The following FBXO47 variants were observed in gnomAD, a reference collection of about 807,000 sequenced individuals.
FBXO47 encodes the protein F-box protein 47, also known as F-box only protein 47.
FBXO47 carries 34 observed loss-of-function variants against 53.9 expected under a neutral mutation model. That is an observed-to-expected ratio of 0.63 (90% CI 0.48 to 0.84). The LOEUF (loss-of-function observed/expected upper bound fraction) is 0.84. FBXO47 is among the 40% of genes least tolerant of loss of function. The probability of loss-of-function intolerance (pLI) is 0.00; values close to 1 mark genes in which losing one functional copy is unlikely to be tolerated. For missense variants in FBXO47, 485 were observed against 541.3 expected (o/e 0.90, Z 1.03); for synonymous variants, 165 against 181.6 (o/e 0.91, Z 0.73).
intron 6 of FBXO47, among the ~76,000 whole-genome samples, chr17:38,946,131 CAT>C (rs1904775574): frequency 1.2e-5 from 1 of 84,054 alleles, no homozygotes; most frequent in Non-Finnish European, 2.2e-5. Flanking sequence ...AATATATATA[CAT>C]ATATAAATAT....
intron 9 of FBXO47, 70 bp from the exon 10 acceptor site, chr17:38,938,802 AATG>A: frequency 8.4e-7 from 1 of 1,192,158 alleles, no homozygotes; most frequent in Non-Finnish European, 1.2e-6. Context: ...AATGGTGAAC[AATG>A]ATGAATAATT....
In FBXO47 at chr17:38,951,434, T is replaced by C. The variant is rs12232547; in HGVS notation, c.616+147A>G. ...CTCTTGAACTTCTGGACTCAAGTGA[T>C]CCTCCCACCTTGGCTTCCCAAAGTG... On this transcript the variant is annotated intron_variant, in intron 6 of 10. Transcript: ENST00000378079. 7.4e-3 allele frequency: 4,098 copies of C among 550,832 alleles called. 128 individuals carry two copies. The highest frequency in any genetic ancestry group is 0.058 in the Admixed American group (1,774 of 30,384). 34.1% of individuals were successfully genotyped at this position (550,832 alleles called of 1,614,324 possible).
chr17:38,957,315 C>G (rs964260828), intron 3 of FBXO47, 62 bp from the exon 4 acceptor site: 1 of 1,102,592 alleles, frequency 9.1e-7, no homozygotes, highest in Non-Finnish European at 1.4e-6. Flanking sequence ...ATCAATAGAG[C>G]ACAGAATAAT....
chr17:38,946,261 TATAA>T (rs1380741656), intron 6 of FBXO47, among the ~76,000 whole-genome samples: 1 of 104,332 alleles, frequency 9.6e-6, no homozygotes, highest in African/African-American at 3.9e-5. Context: ...TAAAAATATG[TATAA>T]ATATATATAA....
intron 1 of FBXO47, among the ~76,000 whole-genome samples, chr17:38,964,793 A>C (rs544815650): frequency 1.3e-5 from 2 of 152,282 alleles, no homozygotes; most frequent in South Asian, 4.1e-4. Flanking sequence ...ACTTATTAAA[A>C]TCACTGATTA....
chr17:38,944,190 C>CAT (rs1555560293), intron 7 of FBXO47, among the ~76,000 whole-genome samples: 14 of 122,650 alleles, frequency 1.1e-4, no homozygotes, highest in African/African-American at 3.8e-4. Context: ...TCAAAAAAAA[C>CAT]ATGTGTGTGT....
chr17:38,940,801 G>C (rs1019887869), intron 9 of FBXO47, among the ~76,000 whole-genome samples: 2 of 151,662 alleles, frequency 1.3e-5, no homozygotes, highest in Admixed American at 6.6e-5. Context: ...TCAGCCTTCT[G>C]AGTAGCAGGG....
At chr17:38,945,935 C>CAAAAA (rs34412322) in intron 6 of FBXO47, among the ~76,000 whole-genome samples, 1 of 94,644 alleles carries the variant, frequency 1.1e-5, no homozygotes, top group African/African-American at 4.7e-5. Context: ...GACTCTGGCT[C>CAAAAA]AAAAAAAAAA....
chr17:38,944,896 A>T (rs1904680049), intron 7 of FBXO47, 64 bp downstream of exon 7: 2 of 1,153,530 alleles, frequency 1.7e-6, no homozygotes, highest in African/African-American at 3.2e-5. Flanking sequence ...CTAAATATAT[A>T]TATGCTTCCT....
intron 1 of FBXO47, among the ~76,000 whole-genome samples, chr17:38,964,843 C>T (rs1046568907): frequency 2.0e-5 from 3 of 151,812 alleles, no homozygotes; most frequent in Non-Finnish European, 4.4e-5. Flanking sequence ...GACAGATTAT[C>T]GCTCTACTGC....
Position 38,944,965 on chromosome 17 carries a change from TGAG to T in FBXO47, c.785_787del (p.Pro262del), listed in dbSNP as rs1567715570. 4.3e-6 allele frequency: 7 copies of T among 1,613,066 alleles called. No individual in the cohort carries two copies. In the African/African-American group the frequency reaches 5.3e-5, roughly 12 times the overall value. ...CCTGAAAGATGGGTGCTCACCATCT[TGAG>T]GAGATATTGGCCCAAAGATGATATA... On this transcript the variant is annotated inframe_deletion, in exon 7 of 11. Coordinates refer to ENST00000378079, the MANE Select transcript of FBXO47 (RefSeq NM_001008777.3).
At chr17:38,950,110 A>G (rs1264158962) in intron 6 of FBXO47, among the ~76,000 whole-genome samples, 2 of 152,030 alleles carry the variant, frequency 1.3e-5, no homozygotes, top group African/African-American at 4.8e-5. Flanking sequence ...CAACCACCAC[A>G]CTATTTCCGA....
chr17:38,946,631 AATATATAAAT>A (rs1251601903), intron 6 of FBXO47, among the ~76,000 whole-genome samples: 13 of 77,740 alleles, frequency 1.7e-4, no homozygotes, highest in South Asian at 4.6e-4. Flanking sequence ...AATATATATG[AATATATAAAT>A]ATATATAAAT....
rs116108860 is a variant in FBXO47, at chr17:38,961,695, T to A, written c.352+182A>T. Among the ~76,000 whole-genome samples the A allele has an allele frequency of 3.0e-3, 463 of 152,308 alleles. 3 individuals carry two copies. Among genetic ancestry groups the A allele is most frequent in the African/African-American group, 0.011 (447 of 41,574 alleles). ...ATTGACACTTTACATCAAAATGCAT[T>A]TTCTCACCTTTAAAGATAACTGGTT... On this transcript the variant is annotated intron_variant, in intron 3 of 10. Transcript: ENST00000378079.
At chr17:38,959,965 C>T (rs1905744994) in intron 3 of FBXO47, among the ~76,000 whole-genome samples, 1 of 151,602 alleles carries the variant, frequency 6.6e-6, no homozygotes, top group Admixed American at 6.6e-5. Context: ...GCCGCCATGC[C>T]CAGATAATTT....
At chr17:38,953,125 C>A (rs1406267642) in intron 5 of FBXO47, among the ~76,000 whole-genome samples, 8 of 117,868 alleles carry the variant, frequency 6.8e-5, no homozygotes, top group Admixed American at 2.7e-4. Context: ...AAAAAAAAAA[C>A]CACACACACA....
chr17:38,964,123 A>T (rs1428879151), intron 1 of FBXO47, among the ~76,000 whole-genome samples: 2 of 152,140 alleles, frequency 1.3e-5, no homozygotes, highest in East Asian at 3.9e-4. Context: ...TAGAATAAAT[A>T]CATGAATAGT....
Position 38,938,553 on chromosome 17 carries a change from C to G in FBXO47, c.1243+20G>C. The G allele has an allele frequency of 6.3e-7, 1 of 1,586,258 alleles. No homozygotes were observed. Among genetic ancestry groups the G allele is most frequent in the Non-Finnish European group, 8.6e-7 (1 of 1,160,276 alleles). On this transcript the variant is annotated intron_variant, in intron 10 of 10. Transcript: ENST00000378079. ...GCGCATTTTTACGCACACCTGTGCACCAAGTACATTCCTACTCACCAGACA... is the reference window on the plus strand; with the variant it reads ...GCGCATTTTTACGCACACCTGTGCAGCAAGTACATTCCTACTCACCAGACA...
chr17:38,938,865 T>C, intron 9 of FBXO47, 133 bp from the exon 10 acceptor site: 1 of 657,030 alleles, frequency 1.5e-6, no homozygotes, highest in Non-Finnish European at 2.4e-6. Context: ...ATACTGAGTC[T>C]ATACATGGGA....
Sources: allele counts gnomAD v4.1 joint callset (sites outside exome capture counted in the v4.1 genomes callset), GRCh38; gene constraint gnomAD v4.1.1; transcripts MANE v1.5; gene names NCBI Gene and HGNC (gene_info 2026-07-23, HGNC 2026-07-21).